ZNF521: variants seen among roughly 807,000 people sequenced by gnomAD.
ZNF521 encodes zinc finger protein 521.
A neutral mutation model predicts 105.5 loss-of-function variants in ZNF521; 14 were observed. The ratio of observed to expected loss-of-function variants is 0.13; its 90% confidence interval spans 0.09 to 0.21. The LOEUF (loss-of-function observed/expected upper bound fraction) is 0.21, where lower values mean the gene tolerates loss of function less well. Among genes scored for constraint, ZNF521 ranks in the 10% least tolerant of loss-of-function variants. The pLI is 1.00. For missense variants in ZNF521, 1,233 were observed against 1,629.7 expected (o/e 0.76, Z 4.19); for synonymous variants, 635 against 606.0 (o/e 1.05, Z -0.70).
At chr18:25,183,788 G>A (rs2035673544) in intron 5 of ZNF521, among the ~76,000 whole-genome samples, 1 of 152,190 alleles carries the variant, frequency 6.6e-6, no homozygotes, top group South Asian at 2.1e-4. Context: ...ATTTTAAAAA[G>A]TCCTCATTTA....
At chr18:25,062,849 A>C in intron 7 of ZNF521, 108 bp from the exon 8 acceptor site, 1 of 1,061,426 alleles carries the variant, frequency 9.4e-7, no homozygotes, top group African/African-American at 1.6e-5. Flanking sequence ...ATATACATGT[A>C]ATTAATTCAT....
rs1348584577 is a variant in ZNF521, at chr18:25,226,013, G to A, written c.1905C>T (p.Ile635=). The part of the protein sequence containing the change: ...GAPARPTGEY[I]CNQCGAKYTS... ...TGTACTTAGCACCACATTGATTACA[G>A]ATATATTCTCCAGTGGGACGTGCAG... The change falls in exon 4 of 8, where the codon ATC becomes ATT. Residue 635 remains isoleucine, a synonymous_variant. Coordinates refer to ENST00000361524, the MANE Select transcript of ZNF521 (RefSeq NM_015461.3). The surrounding 1 kb of genome is among the most constrained non-coding windows in gnomAD (Gnocchi z 4.1). 1.2e-6 allele frequency: 2 copies of A among 1,614,094 alleles called. No homozygotes were observed. Among genetic ancestry groups the A allele is most frequent in the Non-Finnish European group, 1.7e-6 (2 of 1,180,038 alleles).
At chr18:25,232,462 C>T (rs905748520) in intron 3 of ZNF521, among the ~76,000 whole-genome samples, 4 of 152,086 alleles carry the variant, frequency 2.6e-5, no homozygotes, top group Non-Finnish European at 5.9e-5. Context: ...ATTTTCTTTC[C>T]TTTAATGCAA....
intron 3 of ZNF521, among the ~76,000 whole-genome samples, chr18:25,267,993 G>A (rs1202353948): frequency 6.6e-6 from 1 of 152,166 alleles, no homozygotes; most frequent in African/African-American, 2.4e-5. Context: ...CTGAGCTAAA[G>A]GAGCATGTTC....
intron 5 of ZNF521, among the ~76,000 whole-genome samples, chr18:25,166,878 C>T (rs142834892): frequency 6.6e-6 from 1 of 152,284 alleles, no homozygotes; most frequent in East Asian, 1.9e-4. Flanking sequence ...TTAGTTCGTA[C>T]ATTAATATTT....
intron 3 of ZNF521, among the ~76,000 whole-genome samples, chr18:25,289,161 T>C (rs1910871131): frequency 1.3e-5 from 2 of 152,208 alleles, no homozygotes; most frequent in Non-Finnish European, 2.9e-5. Flanking sequence ...TGAAATTCGG[T>C]TGCTATGCTA....
intron 5 of ZNF521, among the ~76,000 whole-genome samples, chr18:25,178,124 T>C (rs2035566084): frequency 6.6e-6 from 1 of 152,252 alleles, no homozygotes; most frequent in South Asian, 2.1e-4. Context: ...TCAAGCTGCA[T>C]ATAGTATGTC....
intron 3 of ZNF521, among the ~76,000 whole-genome samples, chr18:25,269,502 A>G (rs1183655769): frequency 1.3e-5 from 2 of 152,186 alleles, no homozygotes; most frequent in East Asian, 1.9e-4. Flanking sequence ...TCTCAGCACC[A>G]CGTAGCACTT....
At chr18:25,192,690 C>CAA (rs35255872) in intron 5 of ZNF521, among the ~76,000 whole-genome samples, 4,579 of 128,480 alleles carry the variant, frequency 0.036, 128 homozygotes, top group African/African-American at 0.081. Flanking sequence ...TTTGATTAGA[C>CAA]AAAAAAAAAA....
chr18:25,214,961 G>T (rs2036255381), intron 4 of ZNF521, among the ~76,000 whole-genome samples: 1 of 152,110 alleles, frequency 6.6e-6, no homozygotes, highest in South Asian at 2.1e-4. Context: ...GAATGACGAG[G>T]CGAAAGACGA....
At chr18:25,316,847 CTTTTTTTTTTT>C (rs200212987) in intron 3 of ZNF521, among the ~76,000 whole-genome samples, 50,508 of 128,366 alleles carry the variant, frequency 0.39, 9,240 homozygotes, top group African/African-American at 0.5. Context: ...GCAAGTAAGA[CTTTTTTTTTTT>C]TTTTTTTTTT....
intron 3 of ZNF521, among the ~76,000 whole-genome samples, chr18:25,282,623 TC>T (rs892076299): frequency 2.0e-5 from 3 of 151,914 alleles, no homozygotes; most frequent in African/African-American, 7.3e-5. Context: ...CAATATTCCA[TC>T]CCCACTGTGA....
chr18:25,159,420 T>C (rs796681944), intron 5 of ZNF521, among the ~76,000 whole-genome samples: 2 of 152,328 alleles, frequency 1.3e-5, no homozygotes, highest in South Asian at 2.1e-4. Context: ...GTTTAAGTTT[T>C]CTGCTATTAC....
chr18:25,080,333 C>T (rs1003729801), intron 7 of ZNF521, among the ~76,000 whole-genome samples: 33 of 152,166 alleles, frequency 2.2e-4, no homozygotes, highest in African/African-American at 1.2e-4. Flanking sequence ...ATGACAGCAC[C>T]GCAAGCACAG....
intron 3 of ZNF521, among the ~76,000 whole-genome samples, chr18:25,321,080 T>G (rs1464504851): frequency 6.6e-6 from 1 of 152,226 alleles, no homozygotes; most frequent in African/African-American, 2.4e-5. Flanking sequence ...ACTTGTCCAG[T>G]AAACACATTT....
At chr18:25,195,122 A>G in intron 5 of ZNF521, 38 bp downstream of exon 5, 2 of 1,444,286 alleles carry the variant, frequency 1.4e-6, no homozygotes, top group African/African-American at 1.4e-5. Flanking sequence ...CAAGCAGAAG[A>G]AACATCTATC....
chr18:25,127,891 C>CAA (rs1432371511), intron 5 of ZNF521, among the ~76,000 whole-genome samples: 2 of 151,856 alleles, frequency 1.3e-5, no homozygotes, highest in African/African-American at 4.8e-5. Context: ...ATGTATCAAA[C>CAA]ATCGAAGAAA....
chr18:25,304,183 A>G (rs1271944913), intron 3 of ZNF521, among the ~76,000 whole-genome samples: 3 of 152,240 alleles, frequency 2.0e-5, no homozygotes, highest in Non-Finnish European at 4.4e-5. Context: ...ACTTCATGAC[A>G]TTTTAACAAA....
chr18:25,092,926 G>C (rs976667298), intron 5 of ZNF521, among the ~76,000 whole-genome samples: 7 of 152,142 alleles, frequency 4.6e-5, no homozygotes, highest in African/African-American at 1.4e-4. Context: ...AGTTTAAAAT[G>C]TAAGGATTAT....
Sources: allele counts gnomAD v4.1 joint callset (sites outside exome capture counted in the v4.1 genomes callset), GRCh38; gene constraint gnomAD v4.1.1; non-coding constraint Gnocchi (gnomAD v3.1); transcripts MANE v1.5; gene names NCBI Gene and HGNC (gene_info 2026-07-23, HGNC 2026-07-21).